The following TPRG1 variants were observed in gnomAD, a reference collection of about 807,000 sequenced individuals.
TPRG1 encodes the protein tumor protein p63 regulated 1, also known as tumor protein p63-regulated gene 1 protein.
TPRG1 carries 29 observed loss-of-function variants against 29.3 expected under a neutral mutation model. The ratio of observed to expected loss-of-function variants is 0.99; its 90% confidence interval spans 0.74 to 1.35. TPRG1 has a LOEUF of 1.35. Ranked by LOEUF, TPRG1 falls within the 40% of genes most tolerant of loss-of-function variation. The pLI is 0.00. For synonymous variants in TPRG1, 130 were observed against 116.8 expected (o/e 1.11, Z -0.73); for missense variants, 327 against 335.0 (o/e 0.98, Z 0.19).
At chr3:189,071,290 G>T (rs1716798775) in intron 4 of TPRG1, among the ~76,000 whole-genome samples, 1 of 152,074 alleles carries the variant, frequency 6.6e-6, no homozygotes. Context: ...TGTTAAATAA[G>T]CCAATAAATT....
intron 3 of TPRG1, among the ~76,000 whole-genome samples, chr3:189,018,613 A>G (rs1263571096): frequency 3.4e-5 from 5 of 147,434 alleles, no homozygotes; most frequent in Non-Finnish European, 7.6e-5. Context: ...TACCAGTACC[A>G]TGCTGTTTTG....
upstream of TPRG1, among the ~76,000 whole-genome samples, chr3:189,171,093 T>C (rs1728761248): frequency 6.6e-6 from 1 of 152,246 alleles, no homozygotes; most frequent in Admixed American, 6.5e-5. Context: ...ATACCAACTC[T>C]GTATGTAGAA....
chr3:189,075,184 G>A (rs1717082290), intron 4 of TPRG1, among the ~76,000 whole-genome samples: 1 of 151,996 alleles, frequency 6.6e-6, no homozygotes, highest in African/African-American at 2.4e-5. Context: ...CCAGGCTGGA[G>A]TGCAATGGCA....
intron 5 of TPRG1, among the ~76,000 whole-genome samples, chr3:189,315,219 A>T (rs1418477257): frequency 1.3e-5 from 2 of 151,948 alleles, no homozygotes; most frequent in East Asian, 3.9e-4. Flanking sequence ...ATATAATAAT[A>T]GTTCTATGTT....
Position 189,018,425 on chromosome 3 carries a change from A to G in TPRG1, c.-659-5325A>G, listed in dbSNP as rs1403604736. ...TTTTTGTATAAGGTGTAAGGAAGGAATCCAGTTTCAGCTTTCTACATATGG... is the reference window on the plus strand; with the variant it reads ...TTTTTGTATAAGGTGTAAGGAAGGAGTCCAGTTTCAGCTTTCTACATATGG... On this transcript the variant is annotated intron_variant, in intron 3 of 10. Coordinates refer to the TPRG1 transcript ENST00000433971. Among the ~76,000 whole-genome samples the G allele has an allele frequency of 4.3e-4, 63 of 146,130 alleles. 1 individual carries two copies. The East Asian group carries it at 0.012, about 27-fold the overall frequency.
At chr3:189,234,771 A>G (rs80084298) in intron 3 of TPRG1, among the ~76,000 whole-genome samples, 8,733 of 152,286 alleles carry the variant, frequency 0.057, 339 homozygotes, top group South Asian at 0.17. Flanking sequence ...AGGAGGGGAG[A>G]CAGACATTAA....
At chr3:189,117,057 TCTTTA>T (rs1325098445) in intron 1 of TPRG1, among the ~76,000 whole-genome samples, 1 of 152,236 alleles carries the variant, frequency 6.6e-6, no homozygotes, top group Non-Finnish European at 1.5e-5. Context: ...TCCTCCAAGA[TCTTTA>T]CTTTAAGGAT....
At chr3:189,154,585 G>T (rs533892534) in intron 5 of TPRG1, among the ~76,000 whole-genome samples, 23 of 151,910 alleles carry the variant, frequency 1.5e-4, no homozygotes, top group African/African-American at 5.6e-4. Context: ...GGGATTACAG[G>T]CTCCCACCAC....
At chr3:189,312,185 T>TCTCTCTCTCTCTCTCTCTCTCTC (rs1722764554) in intron 5 of TPRG1, among the ~76,000 whole-genome samples, 1 of 47,376 alleles carries the variant, frequency 2.1e-5, no homozygotes, top group East Asian at 6.8e-4. Flanking sequence ...TTCTTTCTTT[T>TCTCTCTCTCTCTCTCTCTCTCTC]TTTCTTTCTT....
intron 4 of TPRG1, among the ~76,000 whole-genome samples, chr3:189,056,055 T>C (rs1169108573): frequency 6.6e-5 from 8 of 120,428 alleles, no homozygotes; most frequent in African/African-American, 1.5e-4. Context: ...CTTCCTTCCT[T>C]CCTTCCTTCC....
At chr3:189,127,347 C>T (rs1401828666) in intron 2 of TPRG1, 1 of 152,098 alleles carries the variant, frequency 6.6e-6, no homozygotes, top group African/African-American at 2.4e-5. Context: ...AAACTGGGAT[C>T]CTAAAAGGCA....
At chr3:189,193,578 T>C (rs935165113) in intron 1 of TPRG1, among the ~76,000 whole-genome samples, 3 of 151,544 alleles carry the variant, frequency 2.0e-5, no homozygotes, top group African/African-American at 7.3e-5. Context: ...TGTCCATAAG[T>C]CTTGTAAGCT....
intron 1 of TPRG1, among the ~76,000 whole-genome samples, chr3:189,119,067 T>C (rs1578416342): frequency 6.6e-6 from 1 of 152,068 alleles, no homozygotes; most frequent in Non-Finnish European, 1.5e-5. Context: ...GTTAGGGGGG[T>C]TGAGCTTTGC....
chr3:189,025,460 A>G (rs774380536), intron 4 of TPRG1, among the ~76,000 whole-genome samples: 1 of 152,112 alleles, frequency 6.6e-6, no homozygotes, highest in African/African-American at 2.4e-5. Flanking sequence ...AAGGTGCTGT[A>G]TTTACTTGCT....
intron 4 of TPRG1, among the ~76,000 whole-genome samples, chr3:189,288,396 T>C (rs187159311): frequency 2.0e-5 from 3 of 152,172 alleles, no homozygotes; most frequent in Non-Finnish European, 2.9e-5. Context: ...GGAATGAATA[T>C]TATAGCACAT....
intron 3 of TPRG1, among the ~76,000 whole-genome samples, chr3:189,139,497 C>G (rs778701753): frequency 6.6e-6 from 1 of 152,182 alleles, no homozygotes; most frequent in Non-Finnish European, 1.5e-5. Flanking sequence ...CATCTGACAA[C>G]CCTAATATCA....
intron 4 of TPRG1, among the ~76,000 whole-genome samples, chr3:189,049,329 C>A (rs1273380557): frequency 6.6e-6 from 1 of 152,118 alleles, no homozygotes; most frequent in Non-Finnish European, 1.5e-5. Context: ...GTGAGACTGG[C>A]TCTTCAGTTT....
intron 3 of TPRG1, among the ~76,000 whole-genome samples, chr3:189,139,395 C>T (rs577328702): frequency 1.3e-5 from 2 of 152,300 alleles, no homozygotes; most frequent in South Asian, 4.1e-4. Flanking sequence ...TCCTCCATCA[C>T]CCAGCCCTCT....
At chr3:189,055,665 C>A (rs1560417587) in intron 4 of TPRG1, among the ~76,000 whole-genome samples, 1 of 152,110 alleles carries the variant, frequency 6.6e-6, no homozygotes, top group Non-Finnish European at 1.5e-5. Context: ...CAGTTTCTGG[C>A]CATTTGAGAA....
Sources: gnomAD v4.1 joint callset for allele counts (sites outside exome capture counted in the v4.1 genomes callset) on GRCh38, gnomAD v4.1.1 for gene constraint, MANE v1.5 for transcripts, NCBI Gene and HGNC (gene_info 2026-07-23, HGNC 2026-07-21) for gene names.